Variants in LIPJ observed in about 807,000 individuals in gnomAD.
The protein encoded by LIPJ is lipase member J.
In LIPJ, 33 loss-of-function variants were observed where a neutral mutation model predicts 39.8. That is an observed-to-expected ratio of 0.83 (90% CI 0.63 to 1.11). LIPJ has a LOEUF of 1.11. Ranked by LOEUF, LIPJ falls within the 50% of genes least tolerant of loss-of-function variation. The pLI is 0.00. For missense variants in LIPJ, 422 were observed against 427.9 expected (o/e 0.99, Z 0.12); for synonymous variants, 128 against 139.2 (o/e 0.92, Z 0.57).
upstream of LIPJ, chr10:88,583,574 T>G: frequency 9.8e-7 from 1 of 1,016,100 alleles, no homozygotes; most frequent in East Asian, 9.7e-5. Flanking sequence ...CTGCGATAAC[T>G]CTCATGCCTG....
upstream of LIPJ, among the ~76,000 whole-genome samples, chr10:88,585,972 C>T (rs1850899533): frequency 6.6e-6 from 1 of 152,318 alleles, no homozygotes; most frequent in Admixed American, 6.5e-5. Flanking sequence ...TTTCGCTAAA[C>T]TGAATATCTT....
downstream of LIPJ, among the ~76,000 whole-genome samples, chr10:88,607,571 CAT>C (rs1181438473): frequency 2.6e-5 from 4 of 152,082 alleles, no homozygotes; most frequent in Non-Finnish European, 5.9e-5. Flanking sequence ...AGGCTGGACT[CAT>C]AAAACATTAT....
the LIPJ span, among the ~76,000 whole-genome samples, chr10:88,612,762 A>C: frequency 6.6e-6 from 1 of 152,306 alleles, no homozygotes; most frequent in African/African-American, 2.4e-5. Flanking sequence ...CTAAGAAATG[A>C]GAGAGATGGC....
At chr10:88,587,593 T>C (rs1330085733) in intron 2 of LIPJ, among the ~76,000 whole-genome samples, 2 of 152,242 alleles carry the variant, frequency 1.3e-5, no homozygotes, top group East Asian at 3.9e-4. Context: ...GTGATAGCTT[T>C]TAAAAATCAT....
intron 5 of LIPJ, 124 bp downstream of exon 5, chr10:88,594,268 A>T: frequency 1.5e-6 from 1 of 671,304 alleles, no homozygotes; most frequent in South Asian, 2.2e-5. Context: ...AGACTATTAC[A>T]ATTTATGTGA....
chr10:88,622,226 C>T, the LIPJ span, among the ~76,000 whole-genome samples: 1 of 152,208 alleles, frequency 6.6e-6, no homozygotes, highest in Non-Finnish European at 1.5e-5. Flanking sequence ...GTGTAACACT[C>T]ATACTTCAGA....
chr10:88,602,184 A>G (rs1284297857), intron 8 of LIPJ, among the ~76,000 whole-genome samples: 1 of 151,808 alleles, frequency 6.6e-6, no homozygotes. Context: ...AAACAAACTG[A>G]CTTTGTTTCT....
intron 8 of LIPJ, 67 bp from the exon 9 acceptor site, chr10:88,602,509 T>C: frequency 9.3e-7 from 1 of 1,071,980 alleles, no homozygotes; most frequent in Non-Finnish European, 1.3e-6. Context: ...CAATAAATAT[T>C]AAAAGATTAT....
In LIPJ at chr10:88,596,777, A is replaced by T; in HGVS notation, c.577-13A>T. 4 of 1,593,438 alleles carry T rather than the reference A, an allele frequency of 2.5e-6. No homozygotes were observed. Among genetic ancestry groups the T allele is most frequent in the Non-Finnish European group, 3.4e-6 (4 of 1,169,732 alleles). Reference sequence around the variant, plus strand: ...GGTCATCCAAATGTGGATAAAATAAATTTATTTTACAGGCTTTTTCAGGCA... The same window carrying T: ...GGTCATCCAAATGTGGATAAAATAATTTTATTTTACAGGCTTTTTCAGGCA... On this transcript the variant is annotated splice_polypyrimidine_tract_variant and intron_variant, in intron 7 of 10. Coordinates refer to ENST00000371939, the Ensembl canonical transcript of LIPJ.
Position 88,606,764 on chromosome 10 carries a change from G to A in LIPJ, c.958G>A (p.Val320Ile), listed in dbSNP as rs754843546. The A allele has an allele frequency of 2.5e-6, 4 of 1,613,150 alleles. No individual in the cohort carries two copies. The highest frequency in any genetic ancestry group is 2.7e-5 in the African/African-American group (2 of 74,854). ...TGACTTGTTGGCTGACCCTGAAGAC[G>A]TTAACATTTTACATTCTGAAATCAC... Residue 320 changes from valine (V) to isoleucine (I), a missense_variant, in exon 11 of 11, where the codon GTT (valine) becomes ATT (isoleucine). Val to Ile is a conservative substitution (Grantham distance 29). Transcript: ENST00000371939.
the LIPJ span, among the ~76,000 whole-genome samples, chr10:88,612,534 T>G: frequency 6.6e-6 from 1 of 152,060 alleles, no homozygotes; most frequent in Non-Finnish European, 1.5e-5. Context: ...GGTAAAGCAG[T>G]GGAAAAAGAT....
chr10:88,598,328 A>G (rs1356531952), intron 8 of LIPJ, among the ~76,000 whole-genome samples: 1 of 152,058 alleles, frequency 6.6e-6, no homozygotes, highest in African/African-American at 2.4e-5. Flanking sequence ...TGGAAAACCA[A>G]CCAGAGAATT....
chr10:88,620,023 G>A, the LIPJ span, among the ~76,000 whole-genome samples: 1,077 of 152,102 alleles, frequency 7.1e-3, 18 homozygotes, highest in African/African-American at 0.025. Context: ...CCAAACCTCA[G>A]CAATTTAAAG....
upstream of LIPJ, chr10:88,583,230 G>T (rs112741258): frequency 3.2e-4 from 511 of 1,609,016 alleles, 4 homozygotes; most frequent in African/African-American, 5.7e-3. Flanking sequence ...TCTCTGCGGC[G>T]GGGCCGTTCG....
intron 8 of LIPJ, among the ~76,000 whole-genome samples, chr10:88,597,811 C>T (rs1851313082): frequency 1.3e-5 from 2 of 151,824 alleles, no homozygotes; most frequent in African/African-American, 4.8e-5. Flanking sequence ...TTTTTCTGTT[C>T]ATCTAGTGCT....
chr10:88,610,678 A>G (rs528783302), downstream of LIPJ, among the ~76,000 whole-genome samples: 12 of 152,354 alleles, frequency 7.9e-5, no homozygotes, highest in South Asian at 2.5e-3. Flanking sequence ...CGGTATTAGC[A>G]TAAAAAGATG....
Position 88,596,518 on chromosome 10 carries a change from T to C in LIPJ, c.576+102T>C, listed in dbSNP as rs923563577. ...ATACGTAGACAACCACAAGTATGGATTGAAATTTTTGGTTTCATTTACACT... is the reference window on the plus strand; with the variant it reads ...ATACGTAGACAACCACAAGTATGGACTGAAATTTTTGGTTTCATTTACACT... On this transcript the variant is annotated intron_variant, in intron 7 of 10. Transcript: ENST00000371939. 4 of 1,277,126 alleles carry C rather than the reference T, an allele frequency of 3.1e-6. No homozygotes were observed. In the African/African-American group the frequency reaches 4.6e-5, roughly 15 times the overall value. The allele number at this position is 1,277,126 out of a possible 1,614,324, so 79.1% of individuals were successfully genotyped here. A position where few individuals can be genotyped will look rare whatever the true frequency, so the allele number is the denominator to read the frequency against.
downstream of LIPJ, among the ~76,000 whole-genome samples, chr10:88,609,725 C>T (rs1851727545): frequency 6.6e-6 from 1 of 151,902 alleles, no homozygotes; most frequent in African/African-American, 2.4e-5. Context: ...ATGGTGAAAC[C>T]CTGTCTGTAC....
At chr10:88,610,968 C>G (rs1851743424), downstream of LIPJ, among the ~76,000 whole-genome samples, 1 of 152,144 alleles carries the variant, frequency 6.6e-6, no homozygotes, top group African/African-American at 2.4e-5. Context: ...GCAAACATAT[C>G]TTAGAAGAGA....
Sources: allele counts gnomAD v4.1 joint callset (sites outside exome capture counted in the v4.1 genomes callset), GRCh38; gene constraint gnomAD v4.1.1; transcripts MANE v1.5; gene names NCBI Gene and HGNC (gene_info 2026-07-23, HGNC 2026-07-21).